The following VPS51 variants were observed in gnomAD, a reference collection of about 807,000 sequenced individuals.
The protein encoded by VPS51 is vacuolar protein sorting-associated protein 51 homolog.
VPS51 carries 55 observed loss-of-function variants against 65.1 expected under a neutral mutation model. The observed-to-expected ratio is 0.84, with a 90% CI of 0.68 to 1.06. The LOEUF (loss-of-function observed/expected upper bound fraction) is 1.06, where lower values mean the gene tolerates loss of function less well. VPS51 is among the 50% of genes least tolerant of loss of function. VPS51 has a pLI of 0.00. For synonymous variants in VPS51, 473 were observed against 489.5 expected, an observed-to-expected ratio of 0.97 and a Z score of 0.44; for missense variants, 943 against 1,101.6, an observed-to-expected ratio of 0.86 and a Z score of 2.04.
intron 7 of VPS51, 174 bp from the exon 8 acceptor site, chr11:65,110,308 C>A (rs1947884381): frequency 8.9e-7 from 1 of 1,129,196 alleles, no homozygotes; most frequent in Non-Finnish European, 1.3e-6. Context: ...GCCTTTGCCC[C>A]ACTCCACTGG....
chr11:65,108,704 G>T lies in VPS51; in HGVS notation c.1233G>T (p.Leu411=). 6.2e-7 allele frequency: 1 copy of T among 1,604,146 alleles called. No homozygotes were observed. The highest frequency in any genetic ancestry group is 8.5e-7 in the Non-Finnish European group (1 of 1,177,858). ...CCCGCGAGCGCCTGGGCCACCACCTGCAGGGTCTCCGGGCGGCCTTCCTGG... is the reference window on the plus strand; with the variant it reads ...CCCGCGAGCGCCTGGGCCACCACCTTCAGGGTCTCCGGGCGGCCTTCCTGG... ...RVARERLGHH[L]QGLRAAFLGC... is the part of the protein sequence containing the mutation. Residue 411 remains leucine, a synonymous_variant, in exon 5 of 10, where the codon CTG becomes CTT. Transcript: ENST00000279281.
At position 65,096,585 on chromosome 11, in the gene VPS51, AG is replaced by A. The variant is rs556563134; in HGVS notation, c.228+108del. The A allele has an allele frequency of 8.6e-6, 9 of 1,040,504 alleles. No individual in the cohort carries two copies. The Admixed American group carries it at 2.5e-4, about 29-fold the overall frequency. 64.5% of individuals were successfully genotyped at this position (1,040,504 alleles called of 1,614,324 possible). A position where few individuals can be genotyped will look rare whatever the true frequency, so the allele number is the denominator to read the frequency against. On this transcript the variant is annotated intron_variant, in intron 1 of 9. Transcript: ENST00000279281. Reference sequence around the variant, plus strand: ...CCTCCGACTTTTTGTGAGGTTCAGGAGAGCAGGTGTTCATAAGAGGACGAAC... The same window carrying A: ...CCTCCGACTTTTTGTGAGGTTCAGGAAGCAGGTGTTCATAAGAGGACGAAC...
chr11:65,096,518 G>GGGGGGGGGGT, intron 1 of VPS51, 40 bp downstream of exon 1: 1 of 499,412 alleles, frequency 2.0e-6, no homozygotes, highest in Non-Finnish European at 3.7e-6. Context: ...GGGGAGGGGG[G>GGGGGGGGGGT]AAGGGAACCA....
chr11:65,096,567 C>A, intron 1 of VPS51, 89 bp downstream of exon 1: 3 of 1,187,632 alleles, frequency 2.5e-6, no homozygotes, highest in Non-Finnish European at 3.5e-6. Flanking sequence ...ATGCCTCCGA[C>A]TTTTTGTGAG....
In VPS51 at chr11:65,096,486, C is replaced by T. The variant is rs1590808648; in HGVS notation, c.228+8C>T. The T allele has an allele frequency of 4.7e-6, 4 of 844,382 alleles. No homozygotes were observed. Among genetic ancestry groups the T allele is most frequent in the Admixed American group, 3.8e-5 (1 of 26,524 alleles). The allele number at this position is 844,382 out of a possible 1,614,324, so 52.3% of individuals were successfully genotyped here. The stretch of plus-strand genomic sequence containing the variant: ...GAAGTTTACCTAGACAAGGTGTGTG[C>T]GCACGGGGAGTGGGGGGGTGCGGGG... On this transcript the variant is annotated splice_region_variant and intron_variant, in intron 1 of 9. Transcript: ENST00000279281.
chr11:65,110,520 G>T lies in VPS51; in HGVS notation c.1917G>T (p.Gln639His). Residue 639 changes from glutamine to histidine, a missense_variant, in exon 8 of 10, where the codon CAG becomes CAT. Around this residue, in one of 2 missense-constraint regions of VPS51, gnomAD observed 855 missense variants for 953.7 expected, o/e 0.90. Transcript: ENST00000279281. ...LLYEEGVRKA[Q>H]SSDSSKRTFS... is the part of the protein sequence containing the mutation. Reference sequence around the variant, plus strand: ...ACGAAGAGGGTGTTCGCAAGGCCCAGAGCAGCGACTCCAGCAAGAGGACTT... The same window carrying T: ...ACGAAGAGGGTGTTCGCAAGGCCCATAGCAGCGACTCCAGCAAGAGGACTT... The T allele has an allele frequency of 6.2e-7, 1 of 1,614,008 alleles. No individual in the cohort carries two copies. Among genetic ancestry groups the T allele is most frequent in the Non-Finnish European group, 8.5e-7 (1 of 1,180,016 alleles).
Position 65,107,506 on chromosome 11 carries a change from G to A in VPS51, c.359-75G>A. The stretch of plus-strand genomic sequence containing the variant: ...CAAGCTGGGGCGTCTGTGAAGGGGT[G>A]GGTGAGAAGGAGCTGAGGTTGCGCC... On this transcript the variant is annotated intron_variant, in intron 2 of 9. Coordinates refer to ENST00000279281, the MANE Select transcript of VPS51 (RefSeq NM_013265.4). This position sits in a 1 kb window ranked among gnomAD's most constrained non-coding sequence, Gnocchi z 4.0. 1 of 1,518,116 alleles carries A rather than the reference G, an allele frequency of 6.6e-7. No individual in the cohort carries two copies. The highest frequency in any genetic ancestry group is 8.9e-7 in the Non-Finnish European group (1 of 1,126,714). 94.0% of individuals were successfully genotyped at this position (1,518,116 alleles called of 1,614,324 possible).
Position 65,108,011 on chromosome 11 carries a change from G to C in VPS51, c.714G>C (p.Arg238=). The change falls in exon 4 of 10, where the codon CGG becomes CGC. Residue 238 remains arginine (R), a synonymous_variant. Transcript: ENST00000279281. ...VITARLAQQL[R]QRFREGGSGA... ...CGGCCCGCCTGGCCCAGCAGCTGCG[G>C]CAGCGCTTTAGGTGTGGCCCCTCTG... 6.5e-7 allele frequency: 1 copy of C among 1,530,128 alleles called. No homozygotes were observed. Among genetic ancestry groups the C allele is most frequent in the Non-Finnish European group, 8.8e-7 (1 of 1,139,974 alleles). 94.8% of individuals were successfully genotyped at this position (1,530,128 alleles called of 1,614,324 possible). A position where few individuals can be genotyped will look rare whatever the true frequency, so the allele number is the denominator to read the frequency against.
intron 2 of VPS51, among the ~76,000 whole-genome samples, chr11:65,102,848 G>C (rs1947818017): frequency 1.3e-5 from 2 of 152,136 alleles, no homozygotes; most frequent in Admixed American, 1.3e-4. Flanking sequence ...GAATTGGCAA[G>C]AAAAATTTTC....
chr11:65,099,059 A>G (rs1408396257), intron 2 of VPS51, among the ~76,000 whole-genome samples: 2 of 152,136 alleles, frequency 1.3e-5, no homozygotes, highest in Non-Finnish European at 2.9e-5. Context: ...AAGGTGGTGC[A>G]TGCCTGTAGT....
intron 2 of VPS51, among the ~76,000 whole-genome samples, chr11:65,103,281 C>A (rs903383187): frequency 1.3e-5 from 2 of 152,208 alleles, no homozygotes; most frequent in Admixed American, 1.3e-4. Context: ...ATTTCCCCAA[C>A]AAAATGCAGG....
In VPS51 at chr11:65,108,531, C is replaced by G; in HGVS notation, c.1060C>G (p.Arg354Gly). The G allele has an allele frequency of 6.3e-7, 1 of 1,585,302 alleles. No individual in the cohort carries two copies. Among genetic ancestry groups the G allele is most frequent in the Non-Finnish European group, 8.5e-7 (1 of 1,172,306 alleles). The change falls in exon 5 of 10, where the codon CGG becomes GGG. Residue 354 changes from arginine to glycine, a missense_variant. Coordinates refer to ENST00000279281, the MANE Select transcript of VPS51 (RefSeq NM_013265.4). ...CAGCCGCTATTTTGCGCTGGTGGAG[C>G]GGCGGCTGGCGCAGGAGCAGGGTGG... ...LGSRYFALVE[R>G]RLAQEQGGGD...
chr11:65,109,439 G>T lies in VPS51; in HGVS notation c.1603G>T (p.Glu535Ter), dbSNP rs750900091. 1 of 1,609,472 alleles carries T rather than the reference G, an allele frequency of 6.2e-7. No individual in the cohort carries two copies. Among genetic ancestry groups the T allele is most frequent in the South Asian group, 1.1e-5 (1 of 91,088 alleles). The change falls in exon 6 of 10, where the codon GAG (glutamate) becomes TAG (stop). Residue 535 changes from glutamate (E) to a stop codon, truncating the protein, a stop_gained. Coordinates refer to ENST00000279281, the MANE Select transcript of VPS51 (RefSeq NM_013265.4). LOFTEE classifies it high-confidence loss of function. ...LLLSRLCLDYETATISYILTL... is the reference protein window; with the variant it reads ...LLLSRLCLDY Reference sequence around the variant, plus strand: ...GCTCTCCCGCCTCTGCCTGGACTACGAGACGGCCACCATCTCCTACATCCT... The same window carrying T: ...GCTCTCCCGCCTCTGCCTGGACTACTAGACGGCCACCATCTCCTACATCCT...
intron 2 of VPS51, among the ~76,000 whole-genome samples, chr11:65,101,884 G>A (rs1489126548): frequency 6.6e-6 from 1 of 151,514 alleles, no homozygotes; most frequent in Non-Finnish European, 1.5e-5. Flanking sequence ...CATCCAGGTC[G>A]GGAAACAGCA....
In VPS51 at chr11:65,107,256, G is replaced by A; in HGVS notation, c.359-325G>A. 1.9e-6 allele frequency: 1 copy of A among 527,336 alleles called. No homozygotes were observed. The highest frequency in any genetic ancestry group is 3.7e-6 in the Non-Finnish European group (1 of 273,890). 32.7% of individuals were successfully genotyped at this position (527,336 alleles called of 1,614,324 possible). ...TGCCTTGGCTGCTTGTGGTCTGATGGAGCAGTTGAGGCACAGTGGTGGCAG... is the reference window on the plus strand; with the variant it reads ...TGCCTTGGCTGCTTGTGGTCTGATGAAGCAGTTGAGGCACAGTGGTGGCAG... On this transcript the variant is annotated intron_variant, in intron 2 of 9. Transcript: ENST00000279281. The surrounding 1 kb of genome is among the most constrained non-coding windows in gnomAD (Gnocchi z 4.0).
rs778767817 is a variant in VPS51, at chr11:65,108,336, G to A, written c.865G>A (p.Ala289Thr). 7 of 1,610,986 alleles carry A rather than the reference G, an allele frequency of 4.3e-6. No individual in the cohort carries two copies. In the East Asian group the frequency reaches 6.7e-5, roughly 15 times the overall value. Residue 289 changes from alanine to threonine, a missense_variant, in exon 5 of 10, where the codon GCC becomes ACC. Around this residue, in one of 2 missense-constraint regions of VPS51, gnomAD observed 855 missense variants for 953.7 expected, o/e 0.90. Transcript: ENST00000279281. ...GGAGAAGGAGCTGAGAAACCTGGAG[G>A]CCGAGCTGGGGCCCTCACCTCCGGC... is the stretch of plus-strand genomic sequence containing the variant. ...RLEKELRNLE[A>T]ELGPSPPAPD...
At chr11:65,096,649 G>A in intron 1 of VPS51, 171 bp downstream of exon 1, 1 of 652,456 alleles carries the variant, frequency 1.5e-6, no homozygotes, top group Non-Finnish European at 2.6e-6. Flanking sequence ...GCGTCTGAGG[G>A]GATGTGAGTA....
chr11:65,105,855 A>G (rs1463757095), intron 2 of VPS51, among the ~76,000 whole-genome samples: 1 of 152,212 alleles, frequency 6.6e-6, no homozygotes, highest in Non-Finnish European at 1.5e-5. Context: ...CACATTTACC[A>G]GTTTATTACA....
chr11:65,111,065 C>A, intron 9 of VPS51: 1 of 707,742 alleles, frequency 1.4e-6, no homozygotes, highest in East Asian at 2.7e-5. Context: ...TGGGTCCTCC[C>A]CAGGGTTTTC....
Sources: allele counts gnomAD v4.1 joint callset (sites outside exome capture counted in the v4.1 genomes callset), GRCh38; gene constraint gnomAD v4.1.1; regional missense constraint gnomAD v4.1.1; non-coding constraint Gnocchi (gnomAD v3.1); transcripts MANE v1.5; gene names NCBI Gene and HGNC (gene_info 2026-07-23, HGNC 2026-07-21).